Variants in STARD4 observed in about 807,000 individuals in gnomAD.
STARD4 encodes stAR-related lipid transfer protein 4.
Under a neutral mutation model 24.9 loss-of-function variants are expected in STARD4, and 33 were observed. The ratio of observed to expected loss-of-function variants is 1.32; its 90% CI spans 1.00 to 1.77. The LOEUF (loss-of-function observed/expected upper bound fraction) is 1.77, where lower values mean the gene tolerates loss of function less well. STARD4 is among the 40% of genes most tolerant of loss of function. The probability of loss-of-function intolerance (pLI) is 0.00; values close to 1 mark genes in which losing one functional copy is unlikely to be tolerated. For synonymous variants in STARD4, 88 were observed against 77.4 expected (o/e 1.14, Z -0.72); for missense variants, 238 against 249.3 (o/e 0.95, Z 0.31).
chr5:111,502,647 T>C (rs987595084), intron 3 of STARD4, among the ~76,000 whole-genome samples: 1 of 134,848 alleles, frequency 7.4e-6, no homozygotes, highest in African/African-American at 2.8e-5. Flanking sequence ...TACAAAACTA[T>C]CCAGGCATGG....
intron 4 of STARD4, 148 bp from the exon 5 acceptor site, chr5:111,501,264 G>A (rs1003707411): frequency 1.1e-6 from 1 of 893,182 alleles, no homozygotes; most frequent in Non-Finnish European, 1.6e-6. Flanking sequence ...GACAGGTCTA[G>A]ATCTCTATTC....
chr5:111,512,043 C>G (rs1757332935), intron 1 of STARD4, among the ~76,000 whole-genome samples: 1 of 152,122 alleles, frequency 6.6e-6, no homozygotes, highest in Admixed American at 6.5e-5. Context: ...CCAAATCAAG[C>G]GGGATTACCA....
At chr5:111,500,906 T>G (rs545314656) in intron 5 of STARD4, 96 bp downstream of exon 5, 5 of 1,606,208 alleles carry the variant, frequency 3.1e-6, no homozygotes, top group East Asian at 2.2e-5. Context: ...AGAGTCAGAG[T>G]TGAAAATATA....
chr5:111,496,659 C>T lies in STARD4; in HGVS notation c.*3227G>A, dbSNP rs1192559016. On this transcript the variant is annotated 3_prime_UTR_variant, in exon 6 of 6. Coordinates refer to ENST00000296632, the MANE Select transcript of STARD4 (RefSeq NM_139164.3). ...GTTTTCCCATCTTCTCCAGATACAA[C>T]CTCAATTACATAGTTTTTTAGCTTG... The T allele has an allele frequency of 1.3e-5, 2 of 152,028 alleles. No individual in the cohort carries two copies. Among genetic ancestry groups the T allele is most frequent in the African/African-American group, 4.8e-5 (2 of 41,416 alleles). The allele number at this position is 152,028 out of a possible 1,614,324, so 9.4% of individuals were successfully genotyped here.
At chr5:111,500,426 G>A (rs1027198282) in intron 5 of STARD4, 25 of 1,079,356 alleles carry the variant, frequency 2.3e-5, no homozygotes, top group Admixed American at 4.8e-5. Context: ...CCATGGTACC[G>A]TAACTATTCC....
Position 111,497,729 on chromosome 5 carries a change from C to A in STARD4, c.*2157G>T, listed in dbSNP as rs1002938116. 6.6e-6 allele frequency: 1 copy of A among 151,966 alleles called. No homozygotes were observed. The highest frequency in any genetic ancestry group is 1.5e-5 in the Non-Finnish European group (1 of 67,914). The allele number at this position is 151,966 out of a possible 1,614,324, so 9.4% of individuals were successfully genotyped here. On this transcript the variant is annotated 3_prime_UTR_variant, in exon 6 of 6. Coordinates refer to ENST00000296632, the MANE Select transcript of STARD4 (RefSeq NM_139164.3). ...AGCATTGCTATAGAAGCAGCGGACT[C>A]AATTATTTATGTTAATATCCATCCC...
At position 111,500,298 on chromosome 5, in the gene STARD4, AG is replaced by A. The variant is rs1397131616; in HGVS notation, c.398-193del. 31 of 1,329,546 alleles carry A rather than the reference AG, an allele frequency of 2.3e-5. 1 individual carries two copies. The South Asian group carries it at 6.6e-4, about 28-fold the overall frequency. The allele number at this position is 1,329,546 out of a possible 1,614,324, so 82.4% of individuals were successfully genotyped here. On this transcript the variant is annotated intron_variant, in intron 5 of 5. Coordinates refer to ENST00000296632, the MANE Select transcript of STARD4 (RefSeq NM_139164.3). ...GAATTCTGACAAGAGGTTGGCAGAT[AG>A]GTAATGGGGAAACTTTTAATCCTTT...
rs1756246548 is a variant in STARD4, at chr5:111,498,889, C to T, written c.*997G>A. The T allele has an allele frequency of 6.6e-6, 1 of 152,146 alleles. No homozygotes were observed. Among genetic ancestry groups the T allele is most frequent in the Admixed American group, 6.5e-5 (1 of 15,274 alleles). The allele number at this position is 152,146 out of a possible 1,614,324, so 9.4% of individuals were successfully genotyped here. A position where few individuals can be genotyped will look rare whatever the true frequency, so the allele number is the denominator to read the frequency against. ...AACTTTGATTTATTCTTTCTTTACA[C>T]TCAAGAAAACACAATAAAGTAAAAC... On this transcript the variant is annotated 3_prime_UTR_variant, in exon 6 of 6. Coordinates refer to ENST00000296632, the MANE Select transcript of STARD4 (RefSeq NM_139164.3).
chr5:111,499,863 C>G lies in STARD4; in HGVS notation c.*23G>C. On this transcript the variant is annotated 3_prime_UTR_variant, in exon 6 of 6. Transcript: ENST00000296632. ...CTGAGAGAGTTGATCTGTAGTACTA[C>G]AAGTTTGAATGTATTTTGCCTCTCA... The G allele has an allele frequency of 6.2e-7, 1 of 1,602,758 alleles. No homozygotes were observed. The highest frequency in any genetic ancestry group is 8.5e-7 in the Non-Finnish European group (1 of 1,169,974).
chr5:111,504,495 G>A (rs1756698755), intron 3 of STARD4, among the ~76,000 whole-genome samples: 1 of 152,090 alleles, frequency 6.6e-6, no homozygotes, highest in Non-Finnish European at 1.5e-5. Flanking sequence ...TAAATATATG[G>A]TCAAAGTATG....
At chr5:111,504,948 T>G in intron 3 of STARD4, 1 of 439,328 alleles carries the variant, frequency 2.3e-6, no homozygotes, top group Non-Finnish European at 4.5e-6. Flanking sequence ...GCATTTGCCC[T>G]TTTTGACTTC....
chr5:111,500,908 GAAA>G (rs1294761203), intron 5 of STARD4, 91 bp downstream of exon 5: 2 of 1,606,500 alleles, frequency 1.2e-6, no homozygotes, highest in Non-Finnish European at 1.7e-6. Flanking sequence ...AGTCAGAGTT[GAAA>G]ATATATCTCA....
chr5:111,507,377 G>T lies in STARD4; in HGVS notation c.57C>A (p.Ile19=). Residue 19 remains isoleucine (I), a synonymous_variant, in exon 2 of 6, where the codon ATC becomes ATA. Coordinates refer to ENST00000296632, the MANE Select transcript of STARD4 (RefSeq NM_139164.3). The surrounding 1 kb of genome is among the most constrained non-coding windows in gnomAD (Gnocchi z 4.4). ...SFATKLKNTL[I]QYHSIEEDKW... is the part of the protein sequence containing the mutation. ...TATCTTCTTCAATGCTATGGTACTG[G>T]ATGAGAGTGTTTTTAAGTTTAGTTG... 1 of 1,613,618 alleles carries T rather than the reference G, an allele frequency of 6.2e-7. No individual in the cohort carries two copies. Among genetic ancestry groups the T allele is most frequent in the Non-Finnish European group, 8.5e-7 (1 of 1,179,754 alleles).
At chr5:111,509,508 C>T (rs1194583693) in intron 1 of STARD4, among the ~76,000 whole-genome samples, 6 of 152,056 alleles carry the variant, frequency 3.9e-5, no homozygotes, top group African/African-American at 1.4e-4. Flanking sequence ...TATAATGTGG[C>T]ATATTTTCAT....
rs1756287206 is a variant in STARD4, at chr5:111,499,757, T to A, written c.*129A>T. 35 of 792,058 alleles carry A rather than the reference T, an allele frequency of 4.4e-5. 1 individual carries two copies. The South Asian group carries it at 6.3e-4, about 14-fold the overall frequency. 49.1% of individuals were successfully genotyped at this position (792,058 alleles called of 1,614,324 possible). A position where few individuals can be genotyped will look rare whatever the true frequency, so the allele number is the denominator to read the frequency against. On this transcript the variant is annotated 3_prime_UTR_variant, in exon 6 of 6. Transcript: ENST00000296632. ...ACTTTAGGAATAAAACCAAACATTG[T>A]ACTAGTGAACCAAAAACATTTCAAA...
rs1218752853 is a variant in STARD4, at chr5:111,496,179, A to G, written c.*3707T>C. 1 of 152,048 alleles carries G rather than the reference A, an allele frequency of 6.6e-6. No homozygotes were observed. The highest frequency in any genetic ancestry group is 1.5e-5 in the Non-Finnish European group (1 of 67,956). The allele number at this position is 152,048 out of a possible 1,614,324, so 9.4% of individuals were successfully genotyped here. Reference sequence around the variant, plus strand: ...CAAAAGAATTATATAAACTTCTTAAAAATAAAATCTATACTATAGCTTTTA... The same window carrying G: ...CAAAAGAATTATATAAACTTCTTAAGAATAAAATCTATACTATAGCTTTTA... On this transcript the variant is annotated 3_prime_UTR_variant, in exon 6 of 6. Transcript: ENST00000296632.
rs761458356 is a variant in STARD4, at chr5:111,501,100, C to T, written c.299G>A (p.Arg100His). The change falls in exon 5 of 6, where the codon CGT becomes CAT. Residue 100 changes from arginine to histidine, a missense_variant. Arg to His is a conservative substitution (Grantham distance 29). Coordinates refer to ENST00000296632, the MANE Select transcript of STARD4 (RefSeq NM_139164.3). Reference protein sequence around the residue: ...ENFEENCCVMRYTTAGQLWNI... With the variant: ...ENFEENCCVMHYTTAGQLWNI... Reference sequence around the variant, plus strand: ...CCAAAGCTGACCAGCAGTAGTGTAACGCATCACACAGCAATTCTGAAAAAG... The same window carrying T: ...CCAAAGCTGACCAGCAGTAGTGTAATGCATCACACAGCAATTCTGAAAAAG... The T allele has an allele frequency of 2.0e-5, 32 of 1,599,814 alleles. No homozygotes were observed. Among genetic ancestry groups the T allele is most frequent in the Middle Eastern group, 1.7e-4 (1 of 5,996 alleles).
At chr5:111,500,968 A>G (rs748396749) in intron 5 of STARD4, 34 bp downstream of exon 5, 21 of 1,613,496 alleles carry the variant, frequency 1.3e-5, no homozygotes, top group Non-Finnish European at 1.7e-5. Context: ...TTTAAACCAT[A>G]CTGAAAAAAA....
chr5:111,512,154 A>T (rs1253390984), intron 1 of STARD4: 1 of 152,296 alleles, frequency 6.6e-6, no homozygotes, highest in African/African-American at 2.4e-5. Context: ...AAGCCCTGGG[A>T]TCCTTCCAGC....
Sources: gnomAD v4.1 joint callset for allele counts (sites outside exome capture counted in the v4.1 genomes callset) on GRCh38, gnomAD v4.1.1 for gene constraint, Gnocchi (gnomAD v3.1) non-coding constraint, MANE v1.5 for transcripts, NCBI Gene and HGNC (gene_info 2026-07-23, HGNC 2026-07-21) for gene names.